Variants in SPOCK3 observed in about 807,000 individuals in gnomAD.
SPOCK3 encodes SPARC (osteonectin), cwcv and kazal like domains proteoglycan 3.
SPOCK3 carries 30 observed loss-of-function variants against 56.6 expected under a neutral mutation model. The observed-to-expected ratio is 0.53, with a 90% CI of 0.40 to 0.72. The LOEUF (loss-of-function observed/expected upper bound fraction) is 0.72, where lower values mean the gene tolerates loss of function less well. Ranked by LOEUF, SPOCK3 falls within the 30% of genes least tolerant of loss-of-function variation. The pLI, the probability that SPOCK3 is intolerant of heterozygous loss-of-function variation, is 0.00. For missense variants in SPOCK3, 527 were observed against 530.0 expected (o/e 0.99, Z 0.06); for synonymous variants, 196 against 183.3 (o/e 1.07, Z -0.56).
At chr4:167,168,918 T>C (rs2150460448) in intron 2 of SPOCK3, among the ~76,000 whole-genome samples, 1 of 152,262 alleles carries the variant, frequency 6.6e-6, no homozygotes, top group Admixed American at 6.5e-5. Context: ...AAGTCCCAGC[T>C]ACTTTAGCTA....
chr4:166,781,078 C>T (rs1408696969), intron 7 of SPOCK3, among the ~76,000 whole-genome samples: 2 of 152,100 alleles, frequency 1.3e-5, no homozygotes, highest in East Asian at 1.9e-4. Context: ...AAAGAAGAGG[C>T]ATCACTAATT....
rs570132553 is a variant in SPOCK3 at position 167,063,227 on chromosome 4, T to C, written c.190-690A>G. ...AGTAAATATGACAGTACAGCACAAA[T>C]GTAGGGCAACGTATACTGAAAAGAA... On this transcript the variant is annotated intron_variant, in intron 2 of 10. Coordinates refer to ENST00000357545, the MANE Select transcript of SPOCK3 (RefSeq NM_001040159.2). 4.6e-5 allele frequency among the ~76,000 whole-genome samples: 7 copies of C among 151,878 alleles called. No individual in the cohort carries two copies. In the South Asian group the frequency reaches 1.2e-3, roughly 27 times the overall value.
intron 2 of SPOCK3, among the ~76,000 whole-genome samples, chr4:167,220,928 T>C (rs1489394614): frequency 1.8e-4 from 27 of 152,316 alleles, no homozygotes; most frequent in South Asian, 2.1e-4. Context: ...GATCAAATTA[T>C]AGCAAGATCA....
At chr4:167,024,077 G>T (rs1172661734) in intron 3 of SPOCK3, among the ~76,000 whole-genome samples, 4 of 151,980 alleles carry the variant, frequency 2.6e-5, no homozygotes, top group Non-Finnish European at 5.9e-5. Flanking sequence ...TTTGCCTGGA[G>T]GAATTGCCTG....
At chr4:167,090,768 G>T (rs1308722690) in intron 2 of SPOCK3, among the ~76,000 whole-genome samples, 3 of 152,066 alleles carry the variant, frequency 2.0e-5, no homozygotes, top group African/African-American at 7.2e-5. Flanking sequence ...CTCCCAAAGT[G>T]CTGGGATTAC....
intron 6 of SPOCK3, among the ~76,000 whole-genome samples, chr4:166,809,441 C>T (rs1743528632): frequency 1.3e-5 from 2 of 152,096 alleles, no homozygotes; most frequent in East Asian, 3.9e-4. Flanking sequence ...CAGTGATTAA[C>T]ATCATCCTAT....
intron 2 of SPOCK3, among the ~76,000 whole-genome samples, chr4:167,206,959 C>T (rs2110996400): frequency 1.3e-5 from 2 of 151,852 alleles, no homozygotes; most frequent in South Asian, 4.2e-4. Flanking sequence ...ATGGAATGTT[C>T]CCAACACAAA....
At chr4:166,864,313 C>T (rs190142555) in intron 6 of SPOCK3, among the ~76,000 whole-genome samples, 1 of 152,226 alleles carries the variant, frequency 6.6e-6, no homozygotes, top group African/African-American at 2.4e-5. Flanking sequence ...GCATTAAATG[C>T]CCATATCAGA....
At chr4:166,984,071 A>C (rs1746877311) in intron 4 of SPOCK3, among the ~76,000 whole-genome samples, 1 of 152,114 alleles carries the variant, frequency 6.6e-6, no homozygotes, top group Non-Finnish European at 1.5e-5. Context: ...TATGCTAATC[A>C]TTCTTTAGAC....
At chr4:166,991,833 T>C (rs1747822386) in intron 4 of SPOCK3, among the ~76,000 whole-genome samples, 1 of 152,178 alleles carries the variant, frequency 6.6e-6, no homozygotes. Flanking sequence ...ACAATACATG[T>C]CAATATTTAA....
chr4:166,989,286 G>T (rs1747519184), intron 4 of SPOCK3, among the ~76,000 whole-genome samples: 1 of 151,880 alleles, frequency 6.6e-6, no homozygotes, highest in Non-Finnish European at 1.5e-5. Flanking sequence ...ACCGAGACCT[G>T]TGTGGCTGTC....
At chr4:167,005,660 T>C (rs557569880) in intron 3 of SPOCK3, among the ~76,000 whole-genome samples, 1 of 152,096 alleles carries the variant, frequency 6.6e-6, no homozygotes, top group Non-Finnish European at 1.5e-5. Context: ...TGAGAAATGA[T>C]TGGAAAGCTC....
intron 6 of SPOCK3, among the ~76,000 whole-genome samples, chr4:166,827,021 CTTTG>C (rs987716870): frequency 5.3e-5 from 8 of 151,996 alleles, no homozygotes; most frequent in Admixed American, 3.9e-4. Flanking sequence ...TTTCATTTTG[CTTTG>C]TTTGTTTATT....
rs373329221 is a variant in SPOCK3 at position 166,780,773 on chromosome 4, G to T, written c.709+11397C>A. On this transcript the variant is annotated intron_variant, in intron 7 of 10. Transcript: ENST00000357545. ...TAAAGCTGTAGCTTAACAAAAATATGAAGGAATGCTCTCACTACCAGAGCA... is the reference window on the plus strand; with the variant it reads ...TAAAGCTGTAGCTTAACAAAAATATTAAGGAATGCTCTCACTACCAGAGCA... Among the ~76,000 whole-genome samples, 10 of 152,206 alleles carry T rather than the reference G, an allele frequency of 6.6e-5. No homozygotes were observed. The South Asian group carries it at 1.9e-3, about 28-fold the overall frequency.
chr4:166,747,639 A>G (rs1039740531), intron 8 of SPOCK3, among the ~76,000 whole-genome samples: 8 of 152,160 alleles, frequency 5.3e-5, no homozygotes, highest in African/African-American at 1.7e-4. Flanking sequence ...GGCCAGGGCA[A>G]TCAGGCAGGA....
chr4:167,033,307 G>T (rs1421251282), intron 3 of SPOCK3, among the ~76,000 whole-genome samples: 1 of 150,504 alleles, frequency 6.6e-6, no homozygotes, highest in Admixed American at 6.6e-5. Flanking sequence ...AAGAAAGGTA[G>T]CATAATTCTG....
At chr4:166,767,060 C>G (rs1351211226) in intron 7 of SPOCK3, among the ~76,000 whole-genome samples, 1 of 152,052 alleles carries the variant, frequency 6.6e-6, no homozygotes, top group African/African-American at 2.4e-5. Flanking sequence ...TTTATTGCAT[C>G]TATTTGATTC....
chr4:166,773,261 A>G (rs1045018861), intron 7 of SPOCK3, among the ~76,000 whole-genome samples: 3 of 152,224 alleles, frequency 2.0e-5, no homozygotes, highest in African/African-American at 7.2e-5. Context: ...ATACCGGAAA[A>G]TAAAGGAAAA....
intron 4 of SPOCK3, among the ~76,000 whole-genome samples, chr4:166,949,773 C>T (rs1312686001): frequency 6.6e-6 from 1 of 151,940 alleles, no homozygotes; most frequent in Non-Finnish European, 1.5e-5. Flanking sequence ...AGAGTGGGGG[C>T]CAATATTCAG....
Sources: allele counts gnomAD v4.1 joint callset (sites outside exome capture counted in the v4.1 genomes callset), GRCh38; gene constraint gnomAD v4.1.1; transcripts MANE v1.5; gene names NCBI Gene and HGNC (gene_info 2026-07-23, HGNC 2026-07-21).